Variants in IFT43 observed in about 807,000 individuals in gnomAD.
IFT43 encodes intraflagellar transport protein 43 homolog.
Under a neutral mutation model 32.3 loss-of-function variants are expected in IFT43, and 33 were observed. The ratio of observed to expected loss-of-function variants is 1.02; its 90% confidence interval spans 0.77 to 1.37. The LOEUF (loss-of-function observed/expected upper bound fraction) is 1.37. Ranked by LOEUF, IFT43 falls within the 40% of genes most tolerant of loss-of-function variation. IFT43 has a pLI of 0.00. For missense variants in IFT43, 274 were observed against 265.9 expected, an observed-to-expected ratio of 1.03 and a Z score of -0.21; for synonymous variants, 93 against 98.2, an observed-to-expected ratio of 0.95 and a Z score of 0.31.
intron 3 of IFT43, among the ~76,000 whole-genome samples, chr14:76,050,627 T>C (rs1434258778): frequency 6.6e-6 from 1 of 152,092 alleles, no homozygotes; most frequent in Non-Finnish European, 1.5e-5. Flanking sequence ...CATCTGGTGG[T>C]GAGAGTCTTT....
At chr14:76,017,414 G>A (rs2036209696) in intron 2 of IFT43, among the ~76,000 whole-genome samples, 1 of 152,150 alleles carries the variant, frequency 6.6e-6, no homozygotes, top group Non-Finnish European at 1.5e-5. Context: ...TGATCATGGT[G>A]TATTATCTTT....
chr14:76,011,089 T>C (rs1409094649), intron 2 of IFT43, among the ~76,000 whole-genome samples: 1 of 151,908 alleles, frequency 6.6e-6, no homozygotes, highest in Non-Finnish European at 1.5e-5. Context: ...TTATTATTAT[T>C]GGTAGAGATG....
At chr14:75,993,742 T>C (rs1021832129) in intron 2 of IFT43, among the ~76,000 whole-genome samples, 5 of 152,208 alleles carry the variant, frequency 3.3e-5, no homozygotes, top group Non-Finnish European at 7.3e-5. Context: ...ATCTGGAGCC[T>C]GTGACTTTTG....
intron 5 of IFT43, among the ~76,000 whole-genome samples, chr14:76,081,820 C>T (rs1016670436): frequency 6.6e-6 from 1 of 152,172 alleles, no homozygotes; most frequent in African/African-American, 2.4e-5. Flanking sequence ...GGCTAATGCA[C>T]ATAGAGATCT....
chr14:76,022,770 G>A, intron 3 of IFT43: 1 of 162,984 alleles, frequency 6.1e-6, no homozygotes, highest in Non-Finnish European at 1.3e-5. Flanking sequence ...CTTTATGGCT[G>A]GCTTCTCTCA....
rs115398640 is a variant in IFT43, at chr14:76,011,769, T to C, written c.148-10558T>C. ...CCATTACCTTCCATGACCTTAAATCTACTATGGAGAAACTCAGTTCTCTGA... is the reference window on the plus strand; with the variant it reads ...CCATTACCTTCCATGACCTTAAATCCACTATGGAGAAACTCAGTTCTCTGA... On this transcript the variant is annotated intron_variant, in intron 2 of 8. Transcript: ENST00000314067. Among the ~76,000 whole-genome samples, 749 of 152,270 alleles carry C rather than the reference T, an allele frequency of 4.9e-3. 5 individuals carry two copies. The highest frequency in any genetic ancestry group is 0.017 in the African/African-American group (707 of 41,538).
intron 5 of IFT43, 200 bp downstream of exon 5, chr14:76,059,573 A>G (rs949297407): frequency 5.0e-6 from 3 of 602,878 alleles, no homozygotes; most frequent in Admixed American, 2.6e-5. Context: ...TTATCTGATA[A>G]CCCTGCTTAT....
At chr14:76,003,135 A>G (rs1421641494) in intron 2 of IFT43, among the ~76,000 whole-genome samples, 1 of 152,238 alleles carries the variant, frequency 6.6e-6, no homozygotes. Flanking sequence ...GTCATTGGTG[A>G]TAGACTGAAA....
intron 2 of IFT43, among the ~76,000 whole-genome samples, chr14:76,005,605 T>C (rs2139908964): frequency 6.6e-6 from 1 of 152,358 alleles, no homozygotes; most frequent in Non-Finnish European, 1.5e-5. Context: ...GGGGGCTCCC[T>C]TCTTCTCAGG....
At chr14:76,022,280 T>G (rs1566711801) in intron 2 of IFT43, 47 bp from the exon 3 acceptor site, 1 of 1,512,102 alleles carries the variant, frequency 6.6e-7, no homozygotes, top group Non-Finnish European at 9.2e-7. Context: ...ATAAAATAAA[T>G]GCAAATGTTG....
intron 5 of IFT43, among the ~76,000 whole-genome samples, chr14:76,061,687 T>C (rs1281790881): frequency 6.6e-6 from 1 of 152,246 alleles, no homozygotes; most frequent in Non-Finnish European, 1.5e-5. Context: ...TCCATTAATC[T>C]TCTCATTCTG....
rs751183646 is a variant in IFT43, at chr14:75,985,811, G to A, written c.25G>A (p.Glu9Lys). The change falls in exon 1 of 9, where the codon GAG (glutamate) becomes AAG (lysine). Residue 9 changes from glutamate to lysine, a missense_variant. By Grantham distance (56) the Glu-to-Lys change is moderately conservative (BLOSUM62 1). Coordinates refer to ENST00000314067, the MANE Select transcript of IFT43 (RefSeq NM_001102564.3). ...GATGGAGGATTTGCTCGACTTGGACGAGGAGCTTCGCTACAGCTTGGCTAC... is the reference window on the plus strand; with the variant it reads ...GATGGAGGATTTGCTCGACTTGGACAAGGAGCTTCGCTACAGCTTGGCTAC... MEDLLDLDEELRYSLATSR... is the reference protein window; with the variant it reads MEDLLDLDKELRYSLATSR... 6 of 1,614,052 alleles carry A rather than the reference G, an allele frequency of 3.7e-6. No homozygotes were observed. Among genetic ancestry groups the A allele is most frequent in the Middle Eastern group, 1.6e-4 (1 of 6,084 alleles).
intron 2 of IFT43, among the ~76,000 whole-genome samples, chr14:75,996,287 A>G (rs2035746270): frequency 6.6e-6 from 1 of 152,220 alleles, no homozygotes; most frequent in Admixed American, 6.5e-5. Flanking sequence ...GCCAGTTGCT[A>G]GGTGTGTATC....
chr14:76,040,247 G>A (rs2036682369), intron 3 of IFT43, among the ~76,000 whole-genome samples: 1 of 152,170 alleles, frequency 6.6e-6, no homozygotes, highest in Non-Finnish European at 1.5e-5. Flanking sequence ...ACTGTGCCTG[G>A]CTGAACAGCC....
In IFT43 at chr14:76,008,582, G is replaced by A. The variant is rs779014165; in HGVS notation, c.148-13745G>A. On this transcript the variant is annotated intron_variant, in intron 2 of 8. Transcript: ENST00000314067. ...AGAGACATTTCTAGAATTTGAACCC[G>A]GGACTGTCCCTCCTTCCTGCTCCCT... 1.2e-3 allele frequency among the ~76,000 whole-genome samples: 178 copies of A among 152,136 alleles called. 1 individual carries two copies. The highest frequency in any genetic ancestry group is 2.1e-3 in the South Asian group (10 of 4,812).
rs1250863312 is a variant in IFT43 at position 76,057,991 on chromosome 14, C to A, written c.216-651C>A. On this transcript the variant is annotated intron_variant, in intron 3 of 8. Coordinates refer to ENST00000314067, the MANE Select transcript of IFT43 (RefSeq NM_001102564.3). Reference sequence around the variant, plus strand: ...TGCATATTCCTGGGCTGCCCCCACCCACCCAGACCAGCTGATTCAGAAATC... The same window carrying A: ...TGCATATTCCTGGGCTGCCCCCACCAACCCAGACCAGCTGATTCAGAAATC... Among the ~76,000 whole-genome samples the A allele has an allele frequency of 1.1e-4, 17 of 152,308 alleles. No individual in the cohort carries two copies. The East Asian group carries it at 3.3e-3, about 29-fold the overall frequency.
intron 3 of IFT43, among the ~76,000 whole-genome samples, chr14:76,050,373 G>C: frequency 6.6e-6 from 1 of 152,150 alleles, no homozygotes; most frequent in East Asian, 1.9e-4. Flanking sequence ...GCAGCTGACA[G>C]TTTGGATGTG....
In IFT43 at chr14:76,017,681, G is replaced by C. The variant is rs1388720829; in HGVS notation, c.148-4646G>C. 2.6e-5 allele frequency among the ~76,000 whole-genome samples: 4 copies of C among 152,082 alleles called. No individual in the cohort carries two copies. The East Asian group carries it at 7.7e-4, about 29-fold the overall frequency. On this transcript the variant is annotated intron_variant, in intron 2 of 8. Coordinates refer to ENST00000314067, the MANE Select transcript of IFT43 (RefSeq NM_001102564.3). ...TTCAATAGTAAAGCTATCTAGTCTT[G>C]GGCTTTTCTTTGTTGGGAGGCTTTT...
chr14:75,992,473 T>G (rs2035662654), intron 2 of IFT43, among the ~76,000 whole-genome samples: 2 of 151,610 alleles, frequency 1.3e-5, no homozygotes, highest in South Asian at 2.1e-4. Context: ...TAGAACTGAT[T>G]TGGAAATCTG....
Sources: allele counts gnomAD v4.1 joint callset (sites outside exome capture counted in the v4.1 genomes callset), GRCh38; gene constraint gnomAD v4.1.1; transcripts MANE v1.5; gene names NCBI Gene and HGNC (gene_info 2026-07-23, HGNC 2026-07-21).